The following CSMD1 variants were observed in gnomAD, a reference collection of about 807,000 sequenced individuals.
The protein encoded by CSMD1 is CUB and Sushi multiple domains 1.
A neutral mutation model predicts 417.5 loss-of-function variants in CSMD1; 213 were observed. The ratio of observed to expected loss-of-function variants is 0.51; its 90% CI spans 0.46 to 0.57. The LOEUF (loss-of-function observed/expected upper bound fraction) is 0.57, where lower values mean the gene tolerates loss of function less well. CSMD1 is among the 20% of genes least tolerant of loss of function. The pLI is 0.00. For missense variants in CSMD1, 6,923 were observed against 4,529.7 expected (o/e 1.53, Z -15.17); for synonymous variants, 2,862 against 1,736.8 (o/e 1.65, Z -16.11).
intron 3 of CSMD1, among the ~76,000 whole-genome samples, chr8:4,042,367 C>G (rs1037552458): frequency 2.6e-5 from 4 of 152,016 alleles, no homozygotes; most frequent in Non-Finnish European, 4.4e-5. Flanking sequence ...AGAATGAAAC[C>G]AAGGAGAGAT....
intron 4 of CSMD1, among the ~76,000 whole-genome samples, chr8:4,023,285 G>A (rs1257792811): frequency 6.6e-6 from 1 of 152,194 alleles, no homozygotes; most frequent in Non-Finnish European, 1.5e-5. Flanking sequence ...ACCCATCATT[G>A]AGACTCATTT....
At chr8:4,209,718 G>A (rs1800194146) in intron 3 of CSMD1, among the ~76,000 whole-genome samples, 1 of 152,178 alleles carries the variant, frequency 6.6e-6, no homozygotes, top group African/African-American at 2.4e-5. Flanking sequence ...TTTATTGACT[G>A]AAGCAGCACC....
rs183568995 is a variant in CSMD1 at position 4,442,275 on chromosome 8, A to G, written c.303-22210T>C. Among the ~76,000 whole-genome samples the G allele has an allele frequency of 1.1e-3, 166 of 152,266 alleles. 1 individual carries two copies. Among genetic ancestry groups the G allele is most frequent in the African/African-American group, 3.8e-3 (157 of 41,526 alleles). On this transcript the variant is annotated intron_variant, in intron 2 of 69. Coordinates refer to ENST00000635120, the MANE Select transcript of CSMD1 (RefSeq NM_033225.6). Reference sequence around the variant, plus strand: ...ATCTTTAAAATTTTGTTTTTATAACAGTAAAAAAATTATTAAAAGTTAGAA... The same window carrying G: ...ATCTTTAAAATTTTGTTTTTATAACGGTAAAAAAATTATTAAAAGTTAGAA...
At chr8:4,154,824 A>G (rs1171388344) in intron 3 of CSMD1, among the ~76,000 whole-genome samples, 1 of 152,210 alleles carries the variant, frequency 6.6e-6, no homozygotes, top group South Asian at 2.1e-4. Context: ...GAGAGGCACG[A>G]TTATAAATTA....
intron 3 of CSMD1, among the ~76,000 whole-genome samples, chr8:4,059,814 C>A (rs1585226673): frequency 6.6e-6 from 1 of 150,664 alleles, no homozygotes; most frequent in African/African-American, 2.4e-5. Context: ...GCTTACCAAC[C>A]AAAAAGAGTC....
intron 5 of CSMD1, among the ~76,000 whole-genome samples, chr8:3,800,780 A>G (rs77833884): frequency 0.031 from 4,717 of 152,168 alleles, 171 homozygotes; most frequent in African/African-American, 0.085. Flanking sequence ...TTCCCTCCTC[A>G]TGTTTGGCTG....
chr8:3,285,020 C>G (rs945828521), intron 25 of CSMD1, among the ~76,000 whole-genome samples: 1 of 152,122 alleles, frequency 6.6e-6, no homozygotes, highest in Non-Finnish European at 1.5e-5. Context: ...GACTCACATT[C>G]AGAGGCAGCA....
chr8:3,827,256 G>C (rs1045298379), intron 5 of CSMD1, among the ~76,000 whole-genome samples: 2 of 152,102 alleles, frequency 1.3e-5, no homozygotes, highest in African/African-American at 4.8e-5. Context: ...CTAAAATAAA[G>C]CACACATATC....
chr8:4,880,947 A>G (rs1478898463), intron 1 of CSMD1, among the ~76,000 whole-genome samples: 5 of 152,064 alleles, frequency 3.3e-5, no homozygotes, highest in Admixed American at 1.3e-4. Context: ...AACACCCAGA[A>G]TGGGCCAGGA....
At chr8:4,121,913 C>G (rs538358683) in intron 3 of CSMD1, among the ~76,000 whole-genome samples, 8 of 152,110 alleles carry the variant, frequency 5.3e-5, no homozygotes, top group African/African-American at 1.9e-4. Context: ...TCATGAATCA[C>G]ACATCACACT....
intron 10 of CSMD1, among the ~76,000 whole-genome samples, chr8:3,558,570 T>TCCA (rs1799306551): frequency 7.1e-6 from 1 of 140,868 alleles, no homozygotes; most frequent in African/African-American, 2.9e-5. Flanking sequence ...TGTCCACTCC[T>TCCA]GCAATGATGA....
chr8:4,489,191 C>A (rs1025044827), intron 2 of CSMD1, among the ~76,000 whole-genome samples: 1 of 152,170 alleles, frequency 6.6e-6, no homozygotes, highest in East Asian at 1.9e-4. Flanking sequence ...GGATAACAGG[C>A]GTGACACACT....
chr8:4,894,526 C>T (rs963922451), intron 1 of CSMD1, among the ~76,000 whole-genome samples: 3 of 146,042 alleles, frequency 2.1e-5, no homozygotes, highest in African/African-American at 7.8e-5. Flanking sequence ...GCATTCCAGC[C>T]TGGGGACAAC....
intron 3 of CSMD1, among the ~76,000 whole-genome samples, chr8:4,261,407 G>T (rs1048232911): frequency 6.6e-6 from 1 of 152,146 alleles, no homozygotes; most frequent in African/African-American, 2.4e-5. Flanking sequence ...CCAGGGGCTG[G>T]GGAGAGGGGA....
intron 3 of CSMD1, among the ~76,000 whole-genome samples, chr8:4,367,509 T>C (rs1311648959): frequency 2.0e-5 from 3 of 152,210 alleles, no homozygotes; most frequent in Admixed American, 2.0e-4. Context: ...TCCAGCTTTG[T>C]TCCTTTTGCT....
At chr8:4,459,899 C>T (rs1171910448) in intron 2 of CSMD1, among the ~76,000 whole-genome samples, 1 of 152,156 alleles carries the variant, frequency 6.6e-6, no homozygotes, top group African/African-American at 2.4e-5. Flanking sequence ...GACAAAATTG[C>T]ATGCCAAATA....
intron 1 of CSMD1, among the ~76,000 whole-genome samples, chr8:4,773,927 G>C (rs1401452963): frequency 6.6e-6 from 1 of 152,180 alleles, no homozygotes; most frequent in Non-Finnish European, 1.5e-5. Context: ...TGGGTGCAGT[G>C]GCTCACGCCT....
At chr8:4,596,898 T>A (rs138713946) in intron 2 of CSMD1, among the ~76,000 whole-genome samples, 3 of 152,296 alleles carry the variant, frequency 2.0e-5, no homozygotes, top group African/African-American at 7.2e-5. Context: ...CGAATAAGTC[T>A]CACAAGATCT....
At chr8:3,712,430 C>G (rs62476974) in intron 6 of CSMD1, among the ~76,000 whole-genome samples, 13 of 125,678 alleles carry the variant, frequency 1.0e-4, no homozygotes, top group South Asian at 2.9e-4. Context: ...GACAGACAGA[C>G]AGACAGACAG....
Sources: allele counts gnomAD v4.1 joint callset (sites outside exome capture counted in the v4.1 genomes callset), GRCh38; gene constraint gnomAD v4.1.1; transcripts MANE v1.5; gene names NCBI Gene and HGNC (gene_info 2026-07-23, HGNC 2026-07-21).